Variants in NECAB1 observed in about 807,000 individuals in gnomAD.
NECAB1 encodes the protein N-terminal EF-hand calcium binding protein 1.
A neutral mutation model predicts 57.5 loss-of-function variants in NECAB1; 29 were observed. That is an observed-to-expected ratio of 0.50 (90% CI 0.38 to 0.69). The LOEUF (loss-of-function observed/expected upper bound fraction) is 0.69, where lower values mean the gene tolerates loss of function less well. Among genes scored for constraint, NECAB1 ranks in the 30% least tolerant of loss-of-function variants. The pLI, the probability that NECAB1 is intolerant of heterozygous loss-of-function variation, is 0.00. For synonymous variants in NECAB1, 142 were observed against 147.7 expected, an observed-to-expected ratio of 0.96 and a Z score of 0.28; for missense variants, 372 against 413.8, an observed-to-expected ratio of 0.90 and a Z score of 0.88.
At chr8:90,928,109 A>C (rs1810320950) in intron 7 of NECAB1, 114 bp from the exon 8 acceptor site, 1 of 760,786 alleles carries the variant, frequency 1.3e-6, no homozygotes, top group Non-Finnish European at 2.2e-6. Flanking sequence ...AAAAATGACC[A>C]GTCAGTGACA....
intron 5 of NECAB1, among the ~76,000 whole-genome samples, chr8:90,885,099 A>C (rs1420762895): frequency 6.6e-6 from 1 of 152,228 alleles, no homozygotes; most frequent in Non-Finnish European, 1.5e-5. Flanking sequence ...TGAGAGCCCT[A>C]ACCCTTCTAA....
At chr8:90,836,904 GT>G (rs1440639681) in intron 3 of NECAB1, among the ~76,000 whole-genome samples, 4 of 152,206 alleles carry the variant, frequency 2.6e-5, no homozygotes, top group African/African-American at 9.7e-5. Context: ...GGAGGCTGAT[GT>G]TTTGCCAAAA....
intron 2 of NECAB1, 84 bp from the exon 3 acceptor site, chr8:90,824,633 C>A: frequency 1.2e-6 from 1 of 808,872 alleles, no homozygotes; most frequent in Non-Finnish European, 1.9e-6. Context: ...CATGAACAAG[C>A]GTTTGGGTGA....
intron 3 of NECAB1, chr8:90,858,916 T>C (rs1252392900): frequency 6.6e-6 from 1 of 151,806 alleles, no homozygotes; most frequent in Non-Finnish European, 1.5e-5. Context: ...GCCACGAGAG[T>C]TCAAACTCAA....
chr8:90,867,870 C>A (rs758563243), intron 3 of NECAB1, among the ~76,000 whole-genome samples: 2 of 152,156 alleles, frequency 1.3e-5, no homozygotes, highest in Non-Finnish European at 2.9e-5. Context: ...CTCTTGCCCC[C>A]TTTCTCACCC....
intron 3 of NECAB1, among the ~76,000 whole-genome samples, chr8:90,866,581 GTT>G (rs1251013658): frequency 6.6e-6 from 1 of 152,116 alleles, no homozygotes; most frequent in Non-Finnish European, 1.5e-5. Context: ...GGAAATTTTA[GTT>G]TTGAAGCAAA....
chr8:90,881,582 C>T (rs1458403993), intron 5 of NECAB1, among the ~76,000 whole-genome samples: 1 of 152,148 alleles, frequency 6.6e-6, no homozygotes, highest in Non-Finnish European at 1.5e-5. Flanking sequence ...GCTTCCTCCG[C>T]CCCTCTCCTT....
intron 5 of NECAB1, among the ~76,000 whole-genome samples, chr8:90,884,912 T>G (rs1309318624): frequency 6.6e-6 from 1 of 152,114 alleles, no homozygotes; most frequent in African/African-American, 2.4e-5. Flanking sequence ...TGGCCAGACT[T>G]CTGCCCAACA....
At chr8:90,917,870 ATGTGTGTGTGTGCGTG>A (rs61475385) in intron 6 of NECAB1, among the ~76,000 whole-genome samples, 83 of 64,222 alleles carry the variant, frequency 1.3e-3, no homozygotes, top group East Asian at 8.0e-3. Context: ...ATATATATAT[ATGTGTGTGTGTGCGTG>A]TATATATATG....
intron 3 of NECAB1, among the ~76,000 whole-genome samples, chr8:90,838,592 C>T (rs1005696527): frequency 6.6e-6 from 1 of 152,076 alleles, no homozygotes; most frequent in East Asian, 1.9e-4. Flanking sequence ...TTCAGACAGG[C>T]CAGTAAACAT....
At chr8:90,954,783 T>G (rs1225278278) in intron 12 of NECAB1, among the ~76,000 whole-genome samples, 1 of 149,696 alleles carries the variant, frequency 6.7e-6, no homozygotes, top group Non-Finnish European at 1.5e-5. Flanking sequence ...GGTATAAATA[T>G]ATGTATAATA....
intron 2 of NECAB1, among the ~76,000 whole-genome samples, chr8:90,814,185 A>G (rs1812019572): frequency 6.6e-6 from 1 of 152,172 alleles, no homozygotes; most frequent in Admixed American, 6.5e-5. Context: ...CATGCACTTC[A>G]TTTGGGATTT....
At chr8:90,841,133 G>A (rs1047174009) in intron 3 of NECAB1, among the ~76,000 whole-genome samples, 4 of 151,760 alleles carry the variant, frequency 2.6e-5, no homozygotes, top group South Asian at 2.1e-4. Context: ...GGTGGCAGGC[G>A]CCTGTAGTCC....
At chr8:90,846,620 A>G (rs1450941430) in intron 3 of NECAB1, among the ~76,000 whole-genome samples, 3 of 152,254 alleles carry the variant, frequency 2.0e-5, no homozygotes, top group Admixed American at 6.5e-5. Flanking sequence ...CTGCTAATAA[A>G]GAAATACCCA....
chr8:90,795,449 C>G (rs946286602), intron 1 of NECAB1, among the ~76,000 whole-genome samples: 2 of 152,146 alleles, frequency 1.3e-5, no homozygotes, highest in African/African-American at 4.8e-5. Flanking sequence ...CTTGTCTTCC[C>G]TTCCTTCCTT....
At chr8:90,856,775 G>A (rs995842253) in intron 3 of NECAB1, among the ~76,000 whole-genome samples, 27 of 152,192 alleles carry the variant, frequency 1.8e-4, no homozygotes, top group African/African-American at 6.5e-4. Context: ...GACCCAGAGT[G>A]CTGACAAAGT....
chr8:90,931,576 G>C (rs1810405336), intron 8 of NECAB1, among the ~76,000 whole-genome samples: 2 of 152,116 alleles, frequency 1.3e-5, no homozygotes, highest in Non-Finnish European at 2.9e-5. Context: ...ATATACTGAG[G>C]TTATGTCTTG....
chr8:90,922,892 C>T (rs2130151595), intron 6 of NECAB1, among the ~76,000 whole-genome samples: 1 of 152,176 alleles, frequency 6.6e-6, no homozygotes, highest in African/African-American at 2.4e-5. Context: ...TCTCTAAACC[C>T]TTCAAAACAT....
chr8:90,930,390 G>C (rs1173886328), intron 8 of NECAB1, among the ~76,000 whole-genome samples: 2 of 152,202 alleles, frequency 1.3e-5, no homozygotes, highest in Admixed American at 6.5e-5. Context: ...AGACACATGA[G>C]AGAGAATTTG....
Sources: gnomAD v4.1 joint callset for allele counts (sites outside exome capture counted in the v4.1 genomes callset) on GRCh38, gnomAD v4.1.1 for gene constraint, MANE v1.5 for transcripts, NCBI Gene and HGNC (gene_info 2026-07-23, HGNC 2026-07-21) for gene names.